The following ULK4 variants were observed in gnomAD, a reference collection of about 807,000 sequenced individuals.
ULK4 encodes the protein unc-51 like kinase 4.
Under a neutral mutation model 160.6 loss-of-function variants are expected in ULK4, and 133 were observed. The observed-to-expected ratio is 0.83, with a 90% confidence interval of 0.72 to 0.96. The LOEUF (loss-of-function observed/expected upper bound fraction) is 0.96, where lower values mean the gene tolerates loss of function less well. Among genes scored for constraint, ULK4 ranks in the 40% least tolerant of loss-of-function variants. The pLI is 0.00. For synonymous variants in ULK4, 534 were observed against 539.8 expected, an observed-to-expected ratio of 0.99 and a Z score of 0.15; for missense variants, 1,580 against 1,499.5, an observed-to-expected ratio of 1.05 and a Z score of -0.89.
At chr3:41,886,078 T>C (rs540306568) in intron 16 of ULK4, among the ~76,000 whole-genome samples, 20 of 152,256 alleles carry the variant, frequency 1.3e-4, no homozygotes, top group Non-Finnish European at 2.9e-4. Context: ...GGTTACCTCA[T>C]AAGTAGGACC....
At chr3:41,671,498 C>G (rs2035535993) in intron 29 of ULK4, among the ~76,000 whole-genome samples, 1 of 152,082 alleles carries the variant, frequency 6.6e-6, no homozygotes, top group African/African-American at 2.4e-5. Context: ...AGAAAGGACA[C>G]TCTCTTCAAA....
At chr3:41,792,698 G>A (rs1174439021) in intron 20 of ULK4, among the ~76,000 whole-genome samples, 2 of 152,190 alleles carry the variant, frequency 1.3e-5, no homozygotes, top group East Asian at 3.8e-4. Context: ...ATTTTGAAAA[G>A]CTCAGGCAGA....
intron 20 of ULK4, among the ~76,000 whole-genome samples, chr3:41,792,979 C>G (rs914288906): frequency 6.6e-6 from 1 of 152,188 alleles, no homozygotes; most frequent in African/African-American, 2.4e-5. Flanking sequence ...TTCAGGCCAG[C>G]CTGGCCAAGA....
At chr3:41,956,743 T>G (rs1700498477) in intron 1 of ULK4, among the ~76,000 whole-genome samples, 1 of 152,244 alleles carries the variant, frequency 6.6e-6, no homozygotes. Context: ...TAGGCCAAAT[T>G]GGGTGTGCTG....
chr3:41,921,218 A>G lies in ULK4; in HGVS notation c.542-1400T>C, dbSNP rs144276188. Reference sequence around the variant, plus strand: ...TCCCGGCTACACAGGAGGCTGAGGCATGAGAATCACTTGAACCTAGTAGGC... The same window carrying G: ...TCCCGGCTACACAGGAGGCTGAGGCGTGAGAATCACTTGAACCTAGTAGGC... On this transcript the variant is annotated intron_variant, in intron 5 of 36. Transcript: ENST00000301831. 8.5e-3 allele frequency among the ~76,000 whole-genome samples: 1,294 copies of G among 152,276 alleles called. 17 individuals are homozygous for G. The highest frequency in any genetic ancestry group is 0.03 in the African/African-American group (1,245 of 41,554).
At chr3:41,547,689 T>C (rs1559384127) in intron 32 of ULK4, among the ~76,000 whole-genome samples, 1 of 152,170 alleles carries the variant, frequency 6.6e-6, no homozygotes, top group Non-Finnish European at 1.5e-5. Flanking sequence ...GCTCCCACCA[T>C]ACTGCATTCT....
chr3:41,626,529 CTTTT>C (rs767066822), intron 30 of ULK4, among the ~76,000 whole-genome samples: 2 of 135,016 alleles, frequency 1.5e-5, no homozygotes. Context: ...AAGTACATTG[CTTTT>C]TTTTTTTTTT....
chr3:41,546,884 T>A lies in ULK4; in HGVS notation c.3226+19141A>T, dbSNP rs72858746. Among the ~76,000 whole-genome samples the A allele has an allele frequency of 8.0e-3, 1,223 of 152,230 alleles. 14 individuals are homozygous for A. Among genetic ancestry groups the A allele is most frequent in the African/African-American group, 0.028 (1,166 of 41,536 alleles). On this transcript the variant is annotated intron_variant, in intron 32 of 36. Transcript: ENST00000301831. ...TATGTTAAAAGATGTTTTCCTGCTCTTCTGGCCTCTGCTGATTTTGACAAG... is the reference window on the plus strand; with the variant it reads ...TATGTTAAAAGATGTTTTCCTGCTCATCTGGCCTCTGCTGATTTTGACAAG...
At chr3:41,443,516 T>G (rs2083220438) in intron 34 of ULK4, among the ~76,000 whole-genome samples, 4 of 152,212 alleles carry the variant, frequency 2.6e-5, no homozygotes, top group Admixed American at 2.0e-4. Flanking sequence ...ACCTGTTATT[T>G]ACATAGTGAT....
In ULK4 at chr3:41,623,050, AAAAAT is replaced by A. The variant is rs572507173; in HGVS notation, c.3072-7338_3072-7334del. 2.6e-4 allele frequency among the ~76,000 whole-genome samples: 40 copies of A among 152,336 alleles called. No individual in the cohort carries two copies. In the East Asian group the frequency reaches 5.6e-3, roughly 21 times the overall value. Reference sequence around the variant, plus strand: ...GTTTGCAGGTTACCGCTTCAGTCCAAAAAATAAAATAAAATCATATTCCTTTCTAC... The same window carrying A: ...GTTTGCAGGTTACCGCTTCAGTCCAAAAAATAAAATCATATTCCTTTCTAC... On this transcript the variant is annotated intron_variant, in intron 30 of 36. Transcript: ENST00000301831.
At chr3:41,421,320 C>T (rs1295621982) in intron 34 of ULK4, among the ~76,000 whole-genome samples, 1 of 152,150 alleles carries the variant, frequency 6.6e-6, no homozygotes. Context: ...CTGTATCATA[C>T]TGCCTGCACC....
intron 32 of ULK4, among the ~76,000 whole-genome samples, chr3:41,500,968 T>C (rs1171328709): frequency 6.6e-6 from 1 of 152,202 alleles, no homozygotes; most frequent in African/African-American, 2.4e-5. Context: ...TACATTGTTT[T>C]AAGGTCTACA....
chr3:41,804,423 T>G lies in ULK4; in HGVS notation c.1849-4130A>C, dbSNP rs556422870. ...GTAGGTTGCAAAAATTTTCTCCCAT[T>G]TTGTAGGTTGCCTGTTCACTCTGAT... is the stretch of plus-strand genomic sequence containing the variant. On this transcript the variant is annotated intron_variant, in intron 19 of 36. Coordinates refer to ENST00000301831, the MANE Select transcript of ULK4 (RefSeq NM_017886.4). 1.5e-4 allele frequency among the ~76,000 whole-genome samples: 23 copies of G among 152,050 alleles called. No homozygotes were observed. The East Asian group carries it at 4.0e-3, about 27-fold the overall frequency.
intron 32 of ULK4, among the ~76,000 whole-genome samples, chr3:41,511,121 C>T (rs1308037688): frequency 1.3e-5 from 2 of 148,366 alleles, no homozygotes; most frequent in Non-Finnish European, 3.0e-5. Context: ...TGAGATCATG[C>T]CACTGCACTC....
chr3:41,696,241 C>T (rs138926351), intron 27 of ULK4, among the ~76,000 whole-genome samples: 14 of 152,342 alleles, frequency 9.2e-5, no homozygotes, highest in African/African-American at 1.2e-4. Flanking sequence ...TCAGTGGTCA[C>T]GCTCCTAGTC....
intron 22 of ULK4, among the ~76,000 whole-genome samples, chr3:41,738,610 C>T (rs2038134232): frequency 6.6e-6 from 1 of 151,866 alleles, no homozygotes; most frequent in African/African-American, 2.4e-5. Flanking sequence ...GAGCAATAAA[C>T]TCCAGAAAAA....
intron 34 of ULK4, among the ~76,000 whole-genome samples, chr3:41,442,677 T>C (rs2083201524): frequency 6.6e-6 from 1 of 151,622 alleles, no homozygotes. Context: ...CACTGTTACC[T>C]TGAACTCCTG....
At chr3:41,950,004 G>A (rs1342016191) in intron 2 of ULK4, among the ~76,000 whole-genome samples, 1 of 151,986 alleles carries the variant, frequency 6.6e-6, no homozygotes, top group African/African-American at 2.4e-5. Flanking sequence ...TCAAAGTGCT[G>A]GGATTATAGG....
intron 35 of ULK4, among the ~76,000 whole-genome samples, chr3:41,353,264 A>G (rs1030791560): frequency 3.9e-5 from 6 of 152,188 alleles, no homozygotes; most frequent in African/African-American, 1.4e-4. Flanking sequence ...GACCTACCTC[A>G]CCAACTACAG....
Sources: gnomAD v4.1 joint callset for allele counts (sites outside exome capture counted in the v4.1 genomes callset) on GRCh38, gnomAD v4.1.1 for gene constraint, MANE v1.5 for transcripts, NCBI Gene and HGNC (gene_info 2026-07-23, HGNC 2026-07-21) for gene names.